Variants in NEK4 observed in about 807,000 individuals in gnomAD.
The protein encoded by NEK4 is NIMA related kinase 4.
A neutral mutation model predicts 98.4 loss-of-function variants in NEK4; 86 were observed. The observed-to-expected ratio is 0.87, with a 90% CI of 0.73 to 1.05. NEK4 has a LOEUF of 1.05. Among genes scored for constraint, NEK4 ranks in the 50% least tolerant of loss-of-function variants. The pLI is 0.00. For synonymous variants in NEK4, 328 were observed against 342.2 expected (o/e 0.96, Z 0.46); for missense variants, 898 against 950.3 (o/e 0.94, Z 0.72).
At chr3:52,755,452 A>T (rs950057190) in intron 6 of NEK4, among the ~76,000 whole-genome samples, 54 of 152,088 alleles carry the variant, frequency 3.6e-4, no homozygotes, top group Non-Finnish European at 1.9e-4. Context: ...CAACACCCTT[A>T]TGTGATGATT....
At chr3:52,712,415 G>C (rs1399274846) in intron 15 of NEK4, among the ~76,000 whole-genome samples, 1 of 152,220 alleles carries the variant, frequency 6.6e-6, no homozygotes, top group Non-Finnish European at 1.5e-5. Flanking sequence ...GTAGTGTCTA[G>C]TGGTGAATGT....
intron 15 of NEK4, among the ~76,000 whole-genome samples, chr3:52,721,513 A>C (rs969964472): frequency 2.6e-5 from 4 of 152,040 alleles, no homozygotes; most frequent in Non-Finnish European, 4.4e-5. Flanking sequence ...GAATTGCTTG[A>C]GCCCAGGAGT....
chr3:52,743,552 G>A, intron 11 of NEK4, 91 bp from the exon 12 acceptor site: 3 of 918,144 alleles, frequency 3.3e-6, no homozygotes, highest in Non-Finnish European at 1.8e-6. Context: ...ACCCCAGCAG[G>A]AGCTAGCCCA....
intron 15 of NEK4, among the ~76,000 whole-genome samples, chr3:52,727,966 C>A (rs2097366104): frequency 6.6e-6 from 1 of 152,194 alleles, no homozygotes; most frequent in Non-Finnish European, 1.5e-5. Flanking sequence ...GGCACAATGG[C>A]CAATGACTGT....
At chr3:52,741,758 TTTTG>T (rs1254382647) in intron 12 of NEK4, among the ~76,000 whole-genome samples, 15 of 152,090 alleles carry the variant, frequency 9.9e-5, no homozygotes, top group African/African-American at 1.4e-4. Flanking sequence ...AAGTTTTTTA[TTTTG>T]TTTGTTTTTT....
rs1184695794 is a variant in NEK4 at position 52,770,607 on chromosome 3, G to A, written c.93+47C>T. 2.8e-6 allele frequency: 4 copies of A among 1,449,086 alleles called. No homozygotes were observed. The South Asian group carries it at 4.9e-5, about 18-fold the overall frequency. The allele number at this position is 1,449,086 out of a possible 1,614,324, so 89.8% of individuals were successfully genotyped here. ...TAATCTACCGGTCGGCGCCCTCGGC[G>A]CACTTCTGCCCGCCCCCGCCCCTTG... On this transcript the variant is annotated intron_variant, in intron 1 of 15. Coordinates refer to ENST00000233027, the MANE Select transcript of NEK4 (RefSeq NM_003157.6).
At chr3:52,737,307 A>T (rs921423817) in intron 15 of NEK4, among the ~76,000 whole-genome samples, 2 of 152,170 alleles carry the variant, frequency 1.3e-5, no homozygotes, top group Non-Finnish European at 2.9e-5. Flanking sequence ...GAAACCAAAA[A>T]AACTCTTAGA....
intron 12 of NEK4, 34 bp from the exon 13 acceptor site, chr3:52,741,533 T>G: frequency 2.2e-6 from 3 of 1,333,970 alleles, no homozygotes; most frequent in Non-Finnish European, 3.2e-6. Context: ...AAATTCTACA[T>G]GACAACACAA....
chr3:52,743,702 G>C (rs1039013811), intron 11 of NEK4, among the ~76,000 whole-genome samples: 20 of 152,308 alleles, frequency 1.3e-4, no homozygotes, highest in East Asian at 1.2e-3. Context: ...GCTGCAAAAT[G>C]AGGATAATGC....
At chr3:52,714,254 G>A (rs946834059) in intron 15 of NEK4, among the ~76,000 whole-genome samples, 1 of 152,200 alleles carries the variant, frequency 6.6e-6, no homozygotes, top group South Asian at 2.1e-4. Flanking sequence ...TGGAAACGGT[G>A]CTAAGAGAAA....
Position 52,754,487 on chromosome 3 carries a change from C to T in NEK4, c.964-2151G>A, listed in dbSNP as rs929938148. 1.7e-5 allele frequency: 13 copies of T among 767,192 alleles called. 1 individual carries two copies. Among genetic ancestry groups the T allele is most frequent in the South Asian group, 1.2e-4 (9 of 74,574 alleles). The allele number at this position is 767,192 out of a possible 1,614,324, so 47.5% of individuals were successfully genotyped here. ...TGACAGTGTTAAGGTATGTATTACT[C>T]GTCTGTCTGACCAATTTAAAATAGA... On this transcript the variant is annotated intron_variant, in intron 6 of 15. Coordinates refer to ENST00000233027, the MANE Select transcript of NEK4 (RefSeq NM_003157.6).
At chr3:52,770,271 C>T (rs1698724925) in intron 1 of NEK4, among the ~76,000 whole-genome samples, 1 of 151,570 alleles carries the variant, frequency 6.6e-6, no homozygotes, top group South Asian at 2.1e-4. Flanking sequence ...GCTTGCTAGG[C>T]GCTGTATTAA....
At chr3:52,733,797 A>C in intron 15 of NEK4, 1 of 423,650 alleles carries the variant, frequency 2.4e-6, no homozygotes, top group South Asian at 1.8e-5. Context: ...AAGGTGAATC[A>C]AAATTTACAC....
intron 6 of NEK4, 127 bp from the exon 7 acceptor site, chr3:52,752,463 C>T (rs1448964674): frequency 4.9e-6 from 4 of 823,538 alleles, no homozygotes; most frequent in Non-Finnish European, 7.6e-6. Flanking sequence ...AGCAATTCCA[C>T]TCCTAAGTAT....
intron 4 of NEK4, among the ~76,000 whole-genome samples, chr3:52,765,055 C>T (rs916877531): frequency 2.6e-5 from 4 of 151,972 alleles, no homozygotes; most frequent in East Asian, 1.9e-4. Flanking sequence ...GCCTTTAAAA[C>T]TTAACAGTAC....
chr3:52,766,042 A>C, intron 3 of NEK4, 48 bp from the exon 4 acceptor site: 1 of 1,464,450 alleles, frequency 6.8e-7, no homozygotes, highest in Non-Finnish European at 9.5e-7. Context: ...TAGCTTATTT[A>C]CATTTTTTTC....
At position 52,709,914 on chromosome 3, in the gene NEK4, G is replaced by C. The variant is rs1388581809; in HGVS notation, c.*1863C>G. On this transcript the variant is annotated 3_prime_UTR_variant, in exon 16 of 16. Transcript: ENST00000233027. ...CTGGGCATTGGGACTTGATGGTTTT[G>C]CAAGTTGAGTTCTAGCAAACCCTTC... 2 of 152,152 alleles carry C rather than the reference G, an allele frequency of 1.3e-5. No homozygotes were observed. Among genetic ancestry groups the C allele is most frequent in the Non-Finnish European group, 2.9e-5 (2 of 68,034 alleles). The allele number at this position is 152,152 out of a possible 1,614,324, so 9.4% of individuals were successfully genotyped here.
chr3:52,750,964 A>G (rs2154105087), intron 7 of NEK4, among the ~76,000 whole-genome samples: 1 of 152,284 alleles, frequency 6.6e-6, no homozygotes, highest in East Asian at 1.9e-4. Flanking sequence ...AAAAAGGAAT[A>G]AAATGTTGGT....
chr3:52,754,230 T>C (rs969996729), intron 6 of NEK4: 1 of 312,852 alleles, frequency 3.2e-6, no homozygotes, highest in Non-Finnish European at 6.3e-6. Context: ...AGATGGTGAC[T>C]ATCCATGCTT....
Sources: gnomAD v4.1 joint callset for allele counts (sites outside exome capture counted in the v4.1 genomes callset) on GRCh38, gnomAD v4.1.1 for gene constraint, MANE v1.5 for transcripts, NCBI Gene and HGNC (gene_info 2026-07-23, HGNC 2026-07-21) for gene names.